CGNL1: variants seen among roughly 807,000 people sequenced by gnomAD.
CGNL1 encodes cingulin like 1, also known as cingulin-like protein 1.
Under a neutral mutation model 141.2 loss-of-function variants are expected in CGNL1, and 132 were observed. The ratio of observed to expected loss-of-function variants is 0.93; its 90% CI spans 0.81 to 1.08. The LOEUF (loss-of-function observed/expected upper bound fraction) is 1.08. Among genes scored for constraint, CGNL1 ranks in the 50% least tolerant of loss-of-function variants. The probability of loss-of-function intolerance (pLI) is 0.00; values close to 1 mark genes in which losing one functional copy is unlikely to be tolerated. For synonymous variants in CGNL1, 690 were observed against 622.1 expected, an observed-to-expected ratio of 1.11 and a Z score of -1.63; for missense variants, 1,870 against 1,588.6, an observed-to-expected ratio of 1.18 and a Z score of -3.01.
chr15:57,440,751 T>C (rs1595708081), intron 3 of CGNL1, among the ~76,000 whole-genome samples: 1 of 152,184 alleles, frequency 6.6e-6, no homozygotes. Flanking sequence ...AATTCAAAGA[T>C]AGGAGGAGTT....
At chr15:57,526,267 T>A (rs2031608482) in intron 12 of CGNL1, among the ~76,000 whole-genome samples, 1 of 152,148 alleles carries the variant, frequency 6.6e-6, no homozygotes, top group Admixed American at 6.6e-5. Context: ...AGACACTGTT[T>A]CCATGTGAGC....
In CGNL1 at chr15:57,397,821, C is replaced by T. The variant is rs559867429; in HGVS notation, c.-16+21254C>T. Among the ~76,000 whole-genome samples, 14 of 149,632 alleles carry T rather than the reference C, an allele frequency of 9.4e-5. No individual in the cohort carries two copies. The South Asian group carries it at 2.7e-3, about 29-fold the overall frequency. The stretch of plus-strand genomic sequence containing the variant: ...TTTTGGAGATGGAGTCTCTCTCTGT[C>T]GCCCATGCTGGAGTGCAGTGGTGTG... On this transcript the variant is annotated intron_variant, in intron 1 of 18. Transcript: ENST00000281282.
intron 8 of CGNL1, among the ~76,000 whole-genome samples, chr15:57,465,013 A>G (rs1326213222): frequency 6.6e-6 from 1 of 151,928 alleles, no homozygotes; most frequent in Non-Finnish European, 1.5e-5. Flanking sequence ...CGGCCTCCCA[A>G]AGTGCTGGGA....
chr15:57,490,524 T>C (rs1243493393), intron 8 of CGNL1, among the ~76,000 whole-genome samples: 1 of 152,208 alleles, frequency 6.6e-6, no homozygotes, highest in Non-Finnish European at 1.5e-5. Context: ...TATTGGATTA[T>C]GACCCCAAAA....
At chr15:57,532,709 A>G (rs1311002770) in intron 14 of CGNL1, among the ~76,000 whole-genome samples, 1 of 152,216 alleles carries the variant, frequency 6.6e-6, no homozygotes, top group Non-Finnish European at 1.5e-5. Flanking sequence ...TTGTCAAGGA[A>G]AAGGCTGCAT....
chr15:57,543,072 G>T (rs563010194), intron 14 of CGNL1, among the ~76,000 whole-genome samples: 1 of 152,150 alleles, frequency 6.6e-6, no homozygotes, highest in Admixed American at 6.5e-5. Context: ...GGTTCTGGAG[G>T]CCAGAAATCT....
intron 1 of CGNL1, among the ~76,000 whole-genome samples, chr15:57,405,772 C>CTCTTTCTTTCTTTCTTTCTTTCTT (rs201323807): frequency 6.5e-5 from 8 of 123,492 alleles, no homozygotes; most frequent in Admixed American, 1.7e-4. Context: ...TTCTTTCTTT[C>CTCTTTCTTTCTTTCTTTCTTTCTT]TCTTTCTTTC....
Position 57,547,625 on chromosome 15 carries a change from A to G in CGNL1, c.*135A>G, listed in dbSNP as rs373147317. 3.1e-5 allele frequency: 32 copies of G among 1,016,278 alleles called. No homozygotes were observed. The highest frequency in any genetic ancestry group is 1.8e-4 in the East Asian group (7 of 39,780). 63.0% of individuals were successfully genotyped at this position (1,016,278 alleles called of 1,614,324 possible). On this transcript the variant is annotated 3_prime_UTR_variant, in exon 19 of 19. Coordinates refer to ENST00000281282, the MANE Select transcript of CGNL1 (RefSeq NM_032866.5). ...TCTTTGCACAGCATGCCAGCTCCTCAGTGTTACATTCCTCGCCAGGGTCTC... is the reference window on the plus strand; with the variant it reads ...TCTTTGCACAGCATGCCAGCTCCTCGGTGTTACATTCCTCGCCAGGGTCTC...
At chr15:57,490,747 G>C (rs1208364489) in intron 8 of CGNL1, among the ~76,000 whole-genome samples, 1 of 152,166 alleles carries the variant, frequency 6.6e-6, no homozygotes, top group African/African-American at 2.4e-5. Context: ...GGGGAGAAAA[G>C]AGTCACTTTT....
intron 8 of CGNL1, 116 bp from the exon 9 acceptor site, chr15:57,516,664 A>C (rs2030825595): frequency 2.7e-6 from 3 of 1,097,276 alleles, no homozygotes; most frequent in African/African-American, 3.1e-5. Context: ...CTGGCTCAGC[A>C]CAGGGCCTGG....
Position 57,417,244 on chromosome 15 carries a change from T to TTTTC in CGNL1, c.-15-20726_-15-20723dup, listed in dbSNP as rs1251818091. Among the ~76,000 whole-genome samples the TTTTC allele has an allele frequency of 9.2e-5, 14 of 152,156 alleles. 1 individual carries two copies. The highest frequency in any genetic ancestry group is 3.8e-4 in the East Asian group (2 of 5,204). On this transcript the variant is annotated intron_variant, in intron 1 of 18. Coordinates refer to ENST00000281282, the MANE Select transcript of CGNL1 (RefSeq NM_032866.5). Reference sequence around the variant, plus strand: ...CCCTTTCTTCCTTTCCTTTCCTTTCTTTTCTTTCTTTCTTTCTTACAGAGT... The same window carrying TTTTC: ...CCCTTTCTTCCTTTCCTTTCCTTTCTTTTCTTTCTTTCTTTCTTTCTTACAGAGT...
At chr15:57,522,352 G>A (rs1403661046) in intron 10 of CGNL1, among the ~76,000 whole-genome samples, 2 of 152,208 alleles carry the variant, frequency 1.3e-5, no homozygotes, top group African/African-American at 4.8e-5. Flanking sequence ...CTGCAAACCA[G>A]GAGAGTCCGA....
intron 1 of CGNL1, among the ~76,000 whole-genome samples, chr15:57,418,407 G>A (rs538817710): frequency 5.3e-5 from 8 of 151,432 alleles, no homozygotes; most frequent in Non-Finnish European, 8.8e-5. Flanking sequence ...GGTTTCTCCC[G>A]TTCTGCTCTG....
intron 8 of CGNL1, chr15:57,477,760 C>A (rs1314337565): frequency 2.0e-5 from 3 of 152,364 alleles, no homozygotes; most frequent in African/African-American, 7.2e-5. Context: ...TCTCCCCGTC[C>A]CATTGTGAAC....
chr15:57,391,555 T>G (rs1336291000), intron 1 of CGNL1, among the ~76,000 whole-genome samples: 1 of 152,206 alleles, frequency 6.6e-6, no homozygotes, highest in Admixed American at 6.5e-5. Context: ...GAGAGCAGTT[T>G]GGCAATGGGG....
intron 8 of CGNL1, among the ~76,000 whole-genome samples, chr15:57,479,728 AAAAAC>A (rs1181293751): frequency 6.6e-6 from 1 of 152,180 alleles, no homozygotes; most frequent in African/African-American, 2.4e-5. Flanking sequence ...TCAAGAAACA[AAAAAC>A]AAAACAAAAC....
chr15:57,418,563 C>A (rs1478593818), intron 1 of CGNL1, among the ~76,000 whole-genome samples: 5 of 152,150 alleles, frequency 3.3e-5, no homozygotes, highest in Non-Finnish European at 7.3e-5. Context: ...GTATTTTTAG[C>A]CCTCTAGTTC....
At chr15:57,393,603 A>T (rs2062566787) in intron 1 of CGNL1, among the ~76,000 whole-genome samples, 1 of 152,120 alleles carries the variant, frequency 6.6e-6, no homozygotes, top group Non-Finnish European at 1.5e-5. Context: ...TCATTTTGGG[A>T]TCCAAAGAAT....
chr15:57,403,465 G>A (rs1408341287), intron 1 of CGNL1, among the ~76,000 whole-genome samples: 1 of 152,168 alleles, frequency 6.6e-6, no homozygotes, highest in Non-Finnish European at 1.5e-5. Context: ...AACCTGGGAG[G>A]TGAATTAACT....
Sources: gnomAD v4.1 joint callset for allele counts (sites outside exome capture counted in the v4.1 genomes callset) on GRCh38, gnomAD v4.1.1 for gene constraint, MANE v1.5 for transcripts, NCBI Gene and HGNC (gene_info 2026-07-23, HGNC 2026-07-21) for gene names.